SPMIP2: variants seen among roughly 807,000 people sequenced by gnomAD.
SPMIP2 encodes protein SPMIP2.
the SPMIP2 span, among the ~76,000 whole-genome samples, chr4:159,062,105 A>G: frequency 7.9e-5 from 12 of 152,202 alleles, no homozygotes; most frequent in Admixed American, 5.2e-4. Context: ...CTGGCTGCCA[A>G]AAAGAGACAG....
chr4:159,037,827 C>CACACACACAT, the SPMIP2 span, among the ~76,000 whole-genome samples: 3 of 126,024 alleles, frequency 2.4e-5, no homozygotes, highest in East Asian at 4.8e-4. Context: ...CACACACACA[C>CACACACACAT]ATATATATAT....
chr4:158,897,191 A>G, the SPMIP2 span, among the ~76,000 whole-genome samples: 1 of 152,202 alleles, frequency 6.6e-6, no homozygotes, highest in African/African-American at 2.4e-5. Flanking sequence ...TTATGGTTGC[A>G]TAGTATTCCA....
the SPMIP2 span, among the ~76,000 whole-genome samples, chr4:158,933,639 T>G: frequency 2.4e-4 from 36 of 152,334 alleles, no homozygotes; most frequent in African/African-American, 8.2e-4. Context: ...ATTGTTGACA[T>G]TGCCTTCTTA....
At chr4:159,076,751 T>C in the SPMIP2 span, among the ~76,000 whole-genome samples, 1 of 152,158 alleles carries the variant, frequency 6.6e-6, no homozygotes, top group Non-Finnish European at 1.5e-5. Flanking sequence ...CACTGCAGCC[T>C]CAAACTCCTG....
At chr4:159,046,176 G>C in the SPMIP2 span, among the ~76,000 whole-genome samples, 1 of 151,550 alleles carries the variant, frequency 6.6e-6, no homozygotes, top group Non-Finnish European at 1.5e-5. Flanking sequence ...GCTGCAATGA[G>C]AGTGACTGAG....
the SPMIP2 span, among the ~76,000 whole-genome samples, chr4:159,044,923 C>G: frequency 8.2e-3 from 1,255 of 152,232 alleles, 8 homozygotes; most frequent in Non-Finnish European, 0.012. Flanking sequence ...GAAACCCCAT[C>G]TCTACTAGAA....
chr4:158,924,775 G>A, the SPMIP2 span, among the ~76,000 whole-genome samples: 11 of 152,174 alleles, frequency 7.2e-5, no homozygotes, highest in East Asian at 1.9e-4. Context: ...TTCCCAAGTC[G>A]CTGAGACTCC....
At chr4:158,915,044 G>T in the SPMIP2 span, 1 of 783,700 alleles carries the variant, frequency 1.3e-6, no homozygotes, top group Non-Finnish European at 2.0e-6. Context: ...ATTACAAAAT[G>T]CTTCGATAGG....
the SPMIP2 span, among the ~76,000 whole-genome samples, chr4:158,948,367 C>T: frequency 6.6e-6 from 1 of 152,196 alleles, no homozygotes; most frequent in Non-Finnish European, 1.5e-5. Context: ...TTTCTACCTT[C>T]CTACTTGCTC....
the SPMIP2 span, among the ~76,000 whole-genome samples, chr4:159,018,241 C>T: frequency 6.6e-6 from 1 of 152,184 alleles, no homozygotes; most frequent in African/African-American, 2.4e-5. Flanking sequence ...CAGTAACAGC[C>T]CACGTGGCTG....
At chr4:158,978,142 G>T in the SPMIP2 span, among the ~76,000 whole-genome samples, 4 of 152,156 alleles carry the variant, frequency 2.6e-5, no homozygotes, top group African/African-American at 7.2e-5. Context: ...TGGTTTCAAA[G>T]AACTTATTTA....
At chr4:159,073,446 A>C in the SPMIP2 span, among the ~76,000 whole-genome samples, 6 of 152,082 alleles carry the variant, frequency 3.9e-5, 1 homozygote, top group African/African-American at 1.4e-4. Context: ...GAGCCACCGC[A>C]CCTGGCTGGA....
the SPMIP2 span, among the ~76,000 whole-genome samples, chr4:159,066,041 C>G: frequency 2.0e-5 from 3 of 152,036 alleles, no homozygotes; most frequent in African/African-American, 7.3e-5. Context: ...CTTTCTCAAG[C>G]CTCCTAAATA....
At chr4:158,924,787 G>A in the SPMIP2 span, among the ~76,000 whole-genome samples, 4 of 152,090 alleles carry the variant, frequency 2.6e-5, no homozygotes, top group African/African-American at 9.7e-5. Context: ...TGAGACTCCA[G>A]GCATGTACCA....
At chr4:159,048,538 A>C in the SPMIP2 span, among the ~76,000 whole-genome samples, 9 of 152,088 alleles carry the variant, frequency 5.9e-5, no homozygotes, top group Admixed American at 5.2e-4. Flanking sequence ...ACATGGACGT[A>C]ACCTAGAGCC....
At chr4:159,005,598 C>A in the SPMIP2 span, among the ~76,000 whole-genome samples, 1 of 152,014 alleles carries the variant, frequency 6.6e-6, no homozygotes, top group Non-Finnish European at 1.5e-5. Flanking sequence ...TGTGGCTAGC[C>A]CAAACTGAGA....
chr4:158,893,332 C>A, the SPMIP2 span: 260 of 187,024 alleles, frequency 1.4e-3, 1 homozygote, highest in African/African-American at 5.6e-3. Flanking sequence ...TCTTTCAAAG[C>A]CTTAATTTCC....
chr4:158,938,318 G>A, the SPMIP2 span, among the ~76,000 whole-genome samples: 2 of 152,162 alleles, frequency 1.3e-5, no homozygotes, highest in African/African-American at 4.8e-5. Flanking sequence ...AGAAGGAAAA[G>A]CCCACTCTCT....
chr4:158,897,978 A>AT, the SPMIP2 span, among the ~76,000 whole-genome samples: 1 of 152,148 alleles, frequency 6.6e-6, no homozygotes, highest in Non-Finnish European at 1.5e-5. Flanking sequence ...TAGGTCTTAC[A>AT]TTTAAGTCTT....
Sources: gnomAD v4.1 joint callset for allele counts (sites outside exome capture counted in the v4.1 genomes callset) on GRCh38, gnomAD v4.1.1 for gene constraint, MANE v1.5 for transcripts, NCBI Gene and HGNC (gene_info 2026-07-23, HGNC 2026-07-21) for gene names.